The following CDH19 variants were observed in gnomAD, a reference collection of about 807,000 sequenced individuals.
The protein encoded by CDH19 is cadherin-19.
In CDH19, 67 loss-of-function variants were observed where a neutral mutation model predicts 64.2. The observed-to-expected ratio is 1.04, with a 90% CI of 0.86 to 1.28. CDH19 has a LOEUF of 1.28. Ranked by LOEUF, CDH19 falls within the 50% of genes most tolerant of loss-of-function variation. The pLI is 0.00. For missense variants in CDH19, 1,030 were observed against 929.0 expected, an observed-to-expected ratio of 1.11 and a Z score of -1.41; for synonymous variants, 346 against 319.3, an observed-to-expected ratio of 1.08 and a Z score of -0.89.
At chr18:66,563,282 C>A (rs940140206) in intron 3 of CDH19, among the ~76,000 whole-genome samples, 1 of 151,876 alleles carries the variant, frequency 6.6e-6, no homozygotes, top group Non-Finnish European at 1.5e-5. Context: ...CTGTAGATTT[C>A]AAAATGACAT....
chr18:66,513,183 T>C (rs1036763620), intron 9 of CDH19, among the ~76,000 whole-genome samples: 5 of 151,568 alleles, frequency 3.3e-5, no homozygotes, highest in African/African-American at 1.2e-4. Flanking sequence ...TACCTGATGT[T>C]CTGTATTAAA....
chr18:66,572,623 T>C (rs967858889), intron 1 of CDH19, among the ~76,000 whole-genome samples: 3 of 151,710 alleles, frequency 2.0e-5, no homozygotes, highest in African/African-American at 7.2e-5. Context: ...TCCTTTTAAT[T>C]TGACTTGCTT....
At chr18:66,585,753 A>G (rs775002939) in intron 1 of CDH19, among the ~76,000 whole-genome samples, 9 of 152,130 alleles carry the variant, frequency 5.9e-5, no homozygotes, top group Admixed American at 2.6e-4. Flanking sequence ...ACTTTAGTAT[A>G]TATTTTCCCT....
At chr18:66,580,874 C>T (rs1328570106) in intron 1 of CDH19, among the ~76,000 whole-genome samples, 5 of 152,082 alleles carry the variant, frequency 3.3e-5, no homozygotes, top group African/African-American at 1.2e-4. Flanking sequence ...AATGGTCATA[C>T]ATTTCAGCAG....
intron 7 of CDH19, among the ~76,000 whole-genome samples, chr18:66,540,162 G>A (rs972817959): frequency 6.6e-6 from 1 of 151,948 alleles, no homozygotes; most frequent in Non-Finnish European, 1.5e-5. Flanking sequence ...TCTGCTACTG[G>A]CTTCATTATA....
rs1293168001 is a variant in CDH19 at position 66,511,687 on chromosome 18, T to G, written c.1459-2A>C. On this transcript the variant is annotated splice_acceptor_variant, in intron 9 of 11. Transcript: ENST00000262150. LOFTEE classifies it high-confidence loss of function. ...CACTGCACTGATAGTCTGAATTACCTAAAAAAAAAGGGGGATAGATTTTTG... is the reference window on the plus strand; with the variant it reads ...CACTGCACTGATAGTCTGAATTACCGAAAAAAAAAGGGGGATAGATTTTTG... 7.4e-7 allele frequency: 1 copy of G among 1,355,514 alleles called. No homozygotes were observed. The highest frequency in any genetic ancestry group is 1.5e-5 in the African/African-American group (1 of 67,840). 84.0% of individuals were successfully genotyped at this position (1,355,514 alleles called of 1,614,324 possible).
At chr18:66,581,881 C>G (rs564528328) in intron 1 of CDH19, among the ~76,000 whole-genome samples, 1 of 152,152 alleles carries the variant, frequency 6.6e-6, no homozygotes, top group East Asian at 1.9e-4. Context: ...AGCATTGCAC[C>G]TCTAAAGAAC....
intron 9 of CDH19, among the ~76,000 whole-genome samples, chr18:66,519,313 A>G (rs1985879930): frequency 6.6e-6 from 1 of 152,176 alleles, no homozygotes; most frequent in African/African-American, 2.4e-5. Context: ...TACTTTTACC[A>G]CAGTCCTCTT....
chr18:66,569,885 T>G (rs1988045914), intron 2 of CDH19, among the ~76,000 whole-genome samples: 1 of 151,702 alleles, frequency 6.6e-6, no homozygotes, highest in Admixed American at 6.6e-5. Context: ...GCTTAAGTTA[T>G]AATTTCTTAT....
In CDH19 at chr18:66,504,273, C is replaced by T. The variant is rs1224756481; in HGVS notation, c.*539G>A. On this transcript the variant is annotated 3_prime_UTR_variant, in exon 12 of 12. Transcript: ENST00000262150. ...GTTTATCATACTTTCTAGTTTTCTA[C>T]GAAGATTACCTAGCATTCTTTTTTT... is the stretch of plus-strand genomic sequence containing the variant. The T allele has an allele frequency of 1.5e-5, 2 of 132,908 alleles. No homozygotes were observed. The highest frequency in any genetic ancestry group is 3.2e-5 in the Non-Finnish European group (2 of 63,088). The allele number at this position is 132,908 out of a possible 1,614,324, so 8.2% of individuals were successfully genotyped here.
intron 9 of CDH19, among the ~76,000 whole-genome samples, chr18:66,513,031 C>A (rs1985569220): frequency 6.6e-6 from 1 of 151,354 alleles, no homozygotes; most frequent in Non-Finnish European, 1.5e-5. Context: ...ATCATGGTGT[C>A]CTGAATATTG....
At chr18:66,595,082 C>A (rs371074610) in intron 1 of CDH19, among the ~76,000 whole-genome samples, 1 of 151,170 alleles carries the variant, frequency 6.6e-6, no homozygotes, top group African/African-American at 2.4e-5. Context: ...AAACAAATTG[C>A]TCCTGAACGA....
intron 9 of CDH19, among the ~76,000 whole-genome samples, chr18:66,525,928 G>A (rs534400369): frequency 6.6e-6 from 1 of 152,072 alleles, no homozygotes; most frequent in Non-Finnish European, 1.5e-5. Context: ...TTGTAAAATA[G>A]GGCTGACCAA....
At chr18:66,569,401 A>G (rs1988029367) in intron 2 of CDH19, among the ~76,000 whole-genome samples, 1 of 151,378 alleles carries the variant, frequency 6.6e-6, no homozygotes, top group South Asian at 2.1e-4. Flanking sequence ...AATTTACACC[A>G]CGAGGCTATC....
intron 1 of CDH19, among the ~76,000 whole-genome samples, chr18:66,589,592 A>G (rs186633764): frequency 6.6e-6 from 1 of 152,034 alleles, no homozygotes; most frequent in Non-Finnish European, 1.5e-5. Context: ...TATAACTGTA[A>G]TATCTATAAA....
intron 8 of CDH19, among the ~76,000 whole-genome samples, chr18:66,534,749 A>G (rs1986591788): frequency 1.3e-5 from 2 of 152,022 alleles, no homozygotes; most frequent in African/African-American, 4.8e-5. Context: ...TTGTTTCCTC[A>G]ATTTATTCTT....
At chr18:66,575,536 A>G (rs1988240390) in intron 1 of CDH19, among the ~76,000 whole-genome samples, 1 of 151,848 alleles carries the variant, frequency 6.6e-6, no homozygotes. Flanking sequence ...CGCAGTGACT[A>G]CTGTACTGCC....
intron 9 of CDH19, among the ~76,000 whole-genome samples, chr18:66,512,939 TTTG>T (rs1018085625): frequency 6.6e-6 from 1 of 151,254 alleles, no homozygotes; most frequent in African/African-American, 2.4e-5. Flanking sequence ...TGTCAGAGGG[TTTG>T]TCACACGACA....
intron 3 of CDH19, among the ~76,000 whole-genome samples, chr18:66,559,161 C>A (rs938641087): frequency 7.9e-5 from 12 of 151,852 alleles, no homozygotes; most frequent in Non-Finnish European, 1.5e-4. Context: ...ATATCTGTAA[C>A]CTCTTGAAAC....
Sources: gnomAD v4.1 joint callset for allele counts (sites outside exome capture counted in the v4.1 genomes callset) on GRCh38, gnomAD v4.1.1 for gene constraint, MANE v1.5 for transcripts, NCBI Gene and HGNC (gene_info 2026-07-23, HGNC 2026-07-21) for gene names.